Variants in SLC39A12 observed in about 807,000 individuals in gnomAD.
SLC39A12 encodes solute carrier family 39 member 12.
A neutral mutation model predicts 71.1 loss-of-function variants in SLC39A12; 63 were observed. The ratio of observed to expected loss-of-function variants is 0.89; its 90% confidence interval spans 0.72 to 1.09. The LOEUF (loss-of-function observed/expected upper bound fraction) is 1.09. Ranked by LOEUF, SLC39A12 falls within the 50% of genes least tolerant of loss-of-function variation. The pLI is 0.00. For synonymous variants in SLC39A12, 351 were observed against 301.3 expected, an observed-to-expected ratio of 1.16 and a Z score of -1.71; for missense variants, 892 against 812.6, an observed-to-expected ratio of 1.10 and a Z score of -1.19.
At chr10:17,992,309 C>G (rs951610138) in intron 8 of SLC39A12, among the ~76,000 whole-genome samples, 2 of 152,100 alleles carry the variant, frequency 1.3e-5, no homozygotes, top group African/African-American at 4.8e-5. Flanking sequence ...CATTACAATA[C>G]AATTCTTTCA....
chr10:17,966,936 T>C (rs1589222338), intron 4 of SLC39A12, among the ~76,000 whole-genome samples: 1 of 151,884 alleles, frequency 6.6e-6, no homozygotes, highest in Non-Finnish European at 1.5e-5. Flanking sequence ...ATTGCGCCAC[T>C]GCACTCCACC....
intron 8 of SLC39A12, among the ~76,000 whole-genome samples, chr10:17,992,529 A>G (rs1835580774): frequency 6.6e-6 from 1 of 152,182 alleles, no homozygotes; most frequent in Admixed American, 6.5e-5. Context: ...TCCTTTCACA[A>G]AAGAAGTTCT....
At chr10:17,958,655 G>A (rs1176731836) in intron 2 of SLC39A12, among the ~76,000 whole-genome samples, 1 of 152,072 alleles carries the variant, frequency 6.6e-6, no homozygotes, top group African/African-American at 2.4e-5. Flanking sequence ...TGTAGCTTTG[G>A]GCAAGTTTCT....
At chr10:18,012,934 G>C (rs535320822) in intron 12 of SLC39A12, among the ~76,000 whole-genome samples, 1 of 151,366 alleles carries the variant, frequency 6.6e-6, no homozygotes, top group East Asian at 1.9e-4. Flanking sequence ...TTAACGAAGC[G>C]TGAGGACATG....
chr10:18,017,948 G>A (rs140401533), intron 12 of SLC39A12, among the ~76,000 whole-genome samples: 2 of 152,262 alleles, frequency 1.3e-5, no homozygotes, highest in African/African-American at 4.8e-5. Context: ...GATTTGGATT[G>A]AATTGAATCT....
chr10:18,004,383 T>A (rs1404149359), intron 12 of SLC39A12: 1 of 152,176 alleles, frequency 6.6e-6, no homozygotes, highest in Non-Finnish European at 1.5e-5. Context: ...GATTGACTAC[T>A]AATGAAGCAG....
chr10:18,010,225 C>G (rs1333160451), intron 12 of SLC39A12, among the ~76,000 whole-genome samples: 1 of 152,114 alleles, frequency 6.6e-6, no homozygotes, highest in Non-Finnish European at 1.5e-5. Flanking sequence ...TTTCTCCATC[C>G]AAAAGATGAG....
intron 3 of SLC39A12, among the ~76,000 whole-genome samples, chr10:17,965,225 A>T: frequency 6.6e-6 from 1 of 151,998 alleles, no homozygotes; most frequent in Non-Finnish European, 1.5e-5. Context: ...GAAAAAAAAA[A>T]GGATAGGGAG....
intron 12 of SLC39A12, among the ~76,000 whole-genome samples, chr10:18,025,756 G>A (rs1328378266): frequency 6.6e-6 from 1 of 152,172 alleles, no homozygotes; most frequent in African/African-American, 2.4e-5. Flanking sequence ...ACCCAGTAAT[G>A]GGATTGCAGG....
At chr10:18,035,512 C>T (rs936027805) in intron 12 of SLC39A12, among the ~76,000 whole-genome samples, 3 of 149,074 alleles carry the variant, frequency 2.0e-5, no homozygotes, top group African/African-American at 7.5e-5. Flanking sequence ...CTCCTTTAAG[C>T]ACTTCTCTGT....
At chr10:17,986,928 C>T (rs1236943479) in intron 6 of SLC39A12, among the ~76,000 whole-genome samples, 1 of 152,126 alleles carries the variant, frequency 6.6e-6, no homozygotes, top group Non-Finnish European at 1.5e-5. Flanking sequence ...TCACTTGAGC[C>T]TGGGAGTTCA....
chr10:18,020,035 G>A (rs778122885), intron 12 of SLC39A12, among the ~76,000 whole-genome samples: 2 of 152,040 alleles, frequency 1.3e-5, no homozygotes, highest in South Asian at 2.1e-4. Context: ...GTGCAAGTAT[G>A]TTACATGGGT....
intron 11 of SLC39A12, among the ~76,000 whole-genome samples, chr10:18,001,052 ACT>A (rs111374492): frequency 0.016 from 2,473 of 152,212 alleles, 78 homozygotes; most frequent in African/African-American, 0.057. Flanking sequence ...GCCAGAAATG[ACT>A]CTATTTGGAT....
At chr10:18,009,690 C>T (rs544312904) in intron 12 of SLC39A12, 40 of 152,308 alleles carry the variant, frequency 2.6e-4, no homozygotes, top group Admixed American at 6.5e-4. Context: ...TGAGAAGTGT[C>T]GCCCAGAAGT....
intron 12 of SLC39A12, among the ~76,000 whole-genome samples, chr10:18,006,798 G>C (rs1041884327): frequency 1.3e-5 from 2 of 152,108 alleles, no homozygotes; most frequent in Non-Finnish European, 2.9e-5. Flanking sequence ...TGAGTACTAA[G>C]AGCATTCCTG....
intron 7 of SLC39A12, 28 bp from the exon 8 acceptor site, chr10:17,991,123 G>C: frequency 1.1e-6 from 1 of 906,500 alleles, no homozygotes; most frequent in Non-Finnish European, 1.6e-6. Context: ...CTTTCTCTCT[G>C]CCTTTTTTTT....
At chr10:17,972,498 T>G (rs1835000694) in intron 4 of SLC39A12, among the ~76,000 whole-genome samples, 1 of 152,160 alleles carries the variant, frequency 6.6e-6, no homozygotes, top group South Asian at 2.1e-4. Flanking sequence ...AATATTTGCT[T>G]TATGTATCTG....
chr10:17,989,388 C>T (rs1003367081), intron 7 of SLC39A12, among the ~76,000 whole-genome samples: 6 of 152,216 alleles, frequency 3.9e-5, no homozygotes, highest in African/African-American at 1.4e-4. Flanking sequence ...GGGCTTATGA[C>T]TGAGTAGAGG....
chr10:18,000,097 A>T lies in SLC39A12; in HGVS notation c.1601-570A>T, dbSNP rs1356788300. Reference sequence around the variant, plus strand: ...GCCTAGAAGTCCAAGATGAAGGTGCAAGACAAGAGCCAACTTTCTGGTTGT... The same window carrying T: ...GCCTAGAAGTCCAAGATGAAGGTGCTAGACAAGAGCCAACTTTCTGGTTGT... On this transcript the variant is annotated intron_variant, in intron 10 of 12. Transcript: ENST00000377369. Among the ~76,000 whole-genome samples, 3 of 152,212 alleles carry T rather than the reference A, an allele frequency of 2.0e-5. No homozygotes were observed. The East Asian group carries it at 5.8e-4, about 29-fold the overall frequency.
Sources: allele counts gnomAD v4.1 joint callset (sites outside exome capture counted in the v4.1 genomes callset), GRCh38; gene constraint gnomAD v4.1.1; transcripts MANE v1.5; gene names NCBI Gene and HGNC (gene_info 2026-07-23, HGNC 2026-07-21).